OSER1: variants seen among roughly 807,000 people sequenced by gnomAD.
The protein encoded by OSER1 is oxidative stress-responsive serine-rich protein 1.
OSER1 carries 15 observed loss-of-function variants against 26.3 expected under a neutral mutation model. The ratio of observed to expected loss-of-function variants is 0.57; its 90% CI spans 0.38 to 0.88. The LOEUF (loss-of-function observed/expected upper bound fraction) is 0.88. Ranked by LOEUF, OSER1 falls within the 40% of genes least tolerant of loss-of-function variation. The pLI is 0.00. For synonymous variants in OSER1, 127 were observed against 128.2 expected (o/e 0.99, Z 0.07); for missense variants, 313 against 353.9 (o/e 0.88, Z 0.93).
intron 2 of OSER1, among the ~76,000 whole-genome samples, chr20:44,205,934 C>T (rs1360951020): frequency 2.5e-5 from 3 of 118,526 alleles, no homozygotes; most frequent in African/African-American, 1.0e-4. Flanking sequence ...GGCCAGAATC[C>T]GTCTCAAAAA....
At chr20:44,209,029 T>C (rs907764700) in intron 1 of OSER1, among the ~76,000 whole-genome samples, 1 of 152,226 alleles carries the variant, frequency 6.6e-6, no homozygotes, top group Non-Finnish European at 1.5e-5. Context: ...AAACTCCATT[T>C]CCGTAAGGAC....
At chr20:44,207,120 A>G in intron 1 of OSER1, 122 bp from the exon 2 acceptor site, 1 of 547,008 alleles carries the variant, frequency 1.8e-6, no homozygotes, top group South Asian at 2.6e-5. Context: ...AGTGTAGATA[A>G]CTGGAGACTA....
At position 44,196,781 on chromosome 20, in the gene OSER1, C is replaced by T. The variant is rs1376177992; in HGVS notation, c.*271G>A. ...TTACCATATACCCACTGCTGCCAGT[C>T]TCAAGTAATTATGGTTTCTTCATCC... On this transcript the variant is annotated 3_prime_UTR_variant, in exon 4 of 4. Transcript: ENST00000255174. 1 of 364,300 alleles carries T rather than the reference C, an allele frequency of 2.7e-6. No homozygotes were observed. Among genetic ancestry groups the T allele is most frequent in the Non-Finnish European group, 5.0e-6 (1 of 199,618 alleles). 22.6% of individuals were successfully genotyped at this position (364,300 alleles called of 1,614,324 possible). A position where few individuals can be genotyped will look rare whatever the true frequency, so the allele number is the denominator to read the frequency against.
Position 44,202,969 on chromosome 20 carries a change from A to G in OSER1, c.183T>C (p.Ser61=). 6.3e-7 allele frequency: 1 copy of G among 1,590,558 alleles called. No individual in the cohort carries two copies. The highest frequency in any genetic ancestry group is 2.2e-5 in the East Asian group (1 of 44,760). Reference sequence around the variant, plus strand: ...CAATAAGAAGCTCTTACCCGTGCCAACTGTCTTTAGATGCACATGTGGTTT... The same window carrying G: ...CAATAAGAAGCTCTTACCCGTGCCAGCTGTCTTTAGATGCACATGTGGTTT... The part of the protein sequence containing the change: ...KPKTTCASKD[S]WHGSTRKSSR... Residue 61 remains serine (S), a synonymous_variant, in exon 3 of 4, where the codon AGT becomes AGC. Transcript: ENST00000255174.
intron 1 of OSER1, 46 bp from the exon 2 acceptor site, chr20:44,207,044 A>G: frequency 1.1e-6 from 1 of 905,548 alleles, no homozygotes; most frequent in East Asian, 2.5e-5. Flanking sequence ...GGTGGGATCA[A>G]AAGTATACCT....
At position 44,206,998 on chromosome 20, in the gene OSER1, A is replaced by T; in HGVS notation, c.-41T>A. On this transcript the variant is annotated splice_region_variant and 5_prime_UTR_variant, in exon 2 of 4. Coordinates refer to ENST00000255174, the MANE Select transcript of OSER1 (RefSeq NM_016470.8). ...ACTACTTATCGATGTTCCTGTTTACACTAAAAAAGAAAATAAAGTGAGCAA... is the reference window on the plus strand; with the variant it reads ...ACTACTTATCGATGTTCCTGTTTACTCTAAAAAAGAAAATAAAGTGAGCAA... 1 of 1,464,570 alleles carries T rather than the reference A, an allele frequency of 6.8e-7. No homozygotes were observed. Among genetic ancestry groups the T allele is most frequent in the Middle Eastern group, 1.7e-4 (1 of 5,766 alleles). 90.7% of individuals were successfully genotyped at this position (1,464,570 alleles called of 1,614,324 possible). A position where few individuals can be genotyped will look rare whatever the true frequency, so the allele number is the denominator to read the frequency against.
chr20:44,204,671 G>A (rs576426099), intron 2 of OSER1, among the ~76,000 whole-genome samples: 120 of 152,246 alleles, frequency 7.9e-4, no homozygotes, highest in African/African-American at 2.8e-3. Flanking sequence ...CCAGTAGTCA[G>A]CGGTGTCTAT....
At chr20:44,201,235 G>C (rs1315546929) in intron 3 of OSER1, among the ~76,000 whole-genome samples, 1 of 152,208 alleles carries the variant, frequency 6.6e-6, no homozygotes, top group Non-Finnish European at 1.5e-5. Flanking sequence ...GTATACAGGA[G>C]AATGAGCATA....
intron 3 of OSER1, among the ~76,000 whole-genome samples, chr20:44,199,573 A>G (rs2072959851): frequency 6.6e-6 from 1 of 152,250 alleles, no homozygotes; most frequent in Non-Finnish European, 1.5e-5. Context: ...TTCTTGACTT[A>G]ATAAGGAAAG....
rs56251501 is a variant in OSER1 at position 44,196,294 on chromosome 20, C to CAA, written c.*756_*757dup. On this transcript the variant is annotated 3_prime_UTR_variant, in exon 4 of 4. Transcript: ENST00000255174. ...ATGAGACCTGTATTACAACTGATAA[C>CAA]AAAAAAAAAAAAAAAAAACCGCCAT... Among the ~76,000 whole-genome samples the CAA allele has an allele frequency of 0.046, 4,599 of 100,374 alleles. 114 individuals carry two copies. Among genetic ancestry groups the CAA allele is most frequent in the Non-Finnish European group, 0.064 (3,248 of 51,140 alleles). 65.8% of individuals were successfully genotyped at this position (100,374 alleles called of 152,430 possible).
rs746632613 is a variant in OSER1 at position 44,197,354 on chromosome 20, G to C, written c.577C>G (p.Gln193Glu). 6.8e-6 allele frequency: 11 copies of C among 1,614,076 alleles called. No homozygotes were observed. The highest frequency in any genetic ancestry group is 2.7e-5 in the African/African-American group (2 of 74,924). The change falls in exon 4 of 4, where the codon CAG becomes GAG. Residue 193 changes from glutamine (Q) to glutamate (E), a missense_variant. By Grantham distance (29) the Gln-to-Glu change is conservative. Transcript: ENST00000255174. ...CCTATGCATGTGCATGGCTTGCCCTGGTTTAGCTTGGAAACTGATTGAAAG... is the reference window on the plus strand; with the variant it reads ...CCTATGCATGTGCATGGCTTGCCCTCGTTTAGCTTGGAAACTGATTGAAAG... ...SDFQSVSKLNQGKPCTCIGKE... is the reference protein window; with the variant it reads ...SDFQSVSKLNEGKPCTCIGKE...
intron 3 of OSER1, among the ~76,000 whole-genome samples, chr20:44,198,028 C>T (rs574083112): frequency 6.6e-6 from 1 of 152,202 alleles, no homozygotes; most frequent in African/African-American, 2.4e-5. Context: ...TGTTCCAACT[C>T]TAAGCTTGGG....
intron 1 of OSER1, among the ~76,000 whole-genome samples, chr20:44,208,697 A>G (rs1315228071): frequency 6.6e-6 from 1 of 152,188 alleles, no homozygotes; most frequent in African/African-American, 2.4e-5. Context: ...AAAGAGTACT[A>G]TTGCAGGTTG....
chr20:44,210,524 G>A (rs2073092883), intron 1 of OSER1, among the ~76,000 whole-genome samples, 172 bp downstream of exon 1: 1 of 152,208 alleles, frequency 6.6e-6, no homozygotes, highest in Non-Finnish European at 1.5e-5. Context: ...GCAGGCACAG[G>A]CCGCGGCAGA....
In OSER1 at chr20:44,207,009, AAAT is replaced by A. The variant is rs2073044580; in HGVS notation, c.-41-14_-41-12del. The A allele has an allele frequency of 7.4e-7, 1 of 1,345,430 alleles. No individual in the cohort carries two copies. The highest frequency in any genetic ancestry group is 1.8e-5 in the Admixed American group (1 of 56,638). 83.3% of individuals were successfully genotyped at this position (1,345,430 alleles called of 1,614,324 possible). A position where few individuals can be genotyped will look rare whatever the true frequency, so the allele number is the denominator to read the frequency against. ...ATGTTCCTGTTTACACTAAAAAAGAAAATAAAGTGAGCAAAGTAAAAACAGGTG... is the reference window on the plus strand; with the variant it reads ...ATGTTCCTGTTTACACTAAAAAAGAAAAAGTGAGCAAAGTAAAAACAGGTG... On this transcript the variant is annotated splice_polypyrimidine_tract_variant and intron_variant, in intron 1 of 3. Transcript: ENST00000255174.
chr20:44,202,835 GTCC>G (rs1301798718), intron 3 of OSER1, 123 bp downstream of exon 3: 8 of 506,124 alleles, frequency 1.6e-5, no homozygotes, highest in Non-Finnish European at 2.8e-5. Context: ...GAAGGAATAG[GTCC>G]TCATCTAATC....
intron 3 of OSER1, among the ~76,000 whole-genome samples, chr20:44,199,495 T>A (rs187670449): frequency 6.6e-6 from 1 of 152,256 alleles, no homozygotes; most frequent in African/African-American, 2.4e-5. Flanking sequence ...AATTACCCAG[T>A]CTCAGGTATT....
Position 44,197,071 on chromosome 20 carries a change from G to A in OSER1, c.860C>T (p.Ala287Val). The change falls in exon 4 of 4, where the codon GCA (alanine) becomes GTA (valine). Residue 287 changes from alanine (A) to valine (V), a missense_variant. Physicochemically the swap from Ala to Val is moderately conservative, Grantham distance 64. Transcript: ENST00000255174. ...TTGCTATCAGGTGTACATCATTTCT[G>A]CCATGTGGGACATTTTCTTGGGAAT... Reference protein sequence around the residue: ...LYIPKKMSHMAEMMYT With the variant: ...LYIPKKMSHMVEMMYT 6.2e-7 allele frequency: 1 copy of A among 1,609,082 alleles called. No individual in the cohort carries two copies. The highest frequency in any genetic ancestry group is 8.5e-7 in the Non-Finnish European group (1 of 1,175,608).
rs988644740 is a variant in OSER1, at chr20:44,196,315, G to T, written c.*737C>A. Among the ~76,000 whole-genome samples the T allele has an allele frequency of 1.5e-5, 2 of 134,724 alleles. No individual in the cohort carries two copies. The highest frequency in any genetic ancestry group is 3.2e-5 in the Non-Finnish European group (2 of 62,604). 88.4% of individuals were successfully genotyped at this position (134,724 alleles called of 152,430 possible). ...ATAACAAAAAAAAAAAAAAAAAACC[G>T]CCATATATTTAAAATGCTGGAGATG... On this transcript the variant is annotated 3_prime_UTR_variant, in exon 4 of 4. Transcript: ENST00000255174.
Sources: allele counts gnomAD v4.1 joint callset (sites outside exome capture counted in the v4.1 genomes callset), GRCh38; gene constraint gnomAD v4.1.1; transcripts MANE v1.5; gene names NCBI Gene and HGNC (gene_info 2026-07-23, HGNC 2026-07-21).